MBTPS1: variants seen among roughly 807,000 people sequenced by gnomAD.
MBTPS1 encodes membrane-bound transcription factor site-1 protease.
A neutral mutation model predicts 127.8 loss-of-function variants in MBTPS1; 94 were observed. That is an observed-to-expected ratio of 0.74 (90% CI 0.62 to 0.87). MBTPS1 has a LOEUF of 0.87. MBTPS1 is among the 40% of genes least tolerant of loss of function. The probability of loss-of-function intolerance (pLI) is 0.00; values close to 1 mark genes in which losing one functional copy is unlikely to be tolerated. For missense variants in MBTPS1, 1,636 were observed against 1,353.2 expected (o/e 1.21, Z -3.28); for synonymous variants, 632 against 509.4 (o/e 1.24, Z -3.24).
At chr16:84,084,457 A>G (rs1226430747) in intron 10 of MBTPS1, among the ~76,000 whole-genome samples, 1 of 152,232 alleles carries the variant, frequency 6.6e-6, no homozygotes, top group East Asian at 1.9e-4. Context: ...CACTGTGAGA[A>G]GATGGATGTG....
rs142980972 is a variant in MBTPS1 at position 84,099,094 on chromosome 16, G to C, written c.380C>G (p.Thr127Arg). 3 of 1,614,048 alleles carry C rather than the reference G, an allele frequency of 1.9e-6. No homozygotes were observed. The highest frequency in any genetic ancestry group is 2.5e-6 in the Non-Finnish European group (3 of 1,180,034). The change falls in exon 3 of 23, where the codon ACG becomes AGG. Residue 127 changes from threonine to arginine, a missense_variant. Coordinates refer to ENST00000343411, the MANE Select transcript of MBTPS1 (RefSeq NM_003791.4). ...GGAACGAAAGACTTTTCGTTGGGGC[G>C]TGACCCGTTTGATGTTTGGATGATC... ...LEDHPNIKRV[T>R]PQRKVFRSLK...
In MBTPS1 at chr16:84,087,473, CAAAAAAAAAAA is replaced by C; in HGVS notation, c.1032-24_1032-14del. On this transcript the variant is annotated splice_polypyrimidine_tract_variant and intron_variant, in intron 8 of 22. Coordinates refer to ENST00000343411, the MANE Select transcript of MBTPS1 (RefSeq NM_003791.4). ...GTTATTCAGAGTGCTATATTGAGAC[CAAAAAAAAAAA>C]AAAAGAAAAGAAAAAGAAAAAAACA... The C allele has an allele frequency of 1.9e-6, 2 of 1,036,174 alleles. No homozygotes were observed. The highest frequency in any genetic ancestry group is 2.8e-6 in the Non-Finnish European group (2 of 724,810). 64.2% of individuals were successfully genotyped at this position (1,036,174 alleles called of 1,614,324 possible).
At position 84,081,928 on chromosome 16, in the gene MBTPS1, T is replaced by A; in HGVS notation, c.1287-20A>T. On this transcript the variant is annotated intron_variant, in intron 10 of 22. Transcript: ENST00000343411. ...ACTGTGCTGGAGGAAAAATCAAGAA[T>A]TGCCTATTTTCTCTCAGTAAAAGAA... 1 of 1,353,944 alleles carries A rather than the reference T, an allele frequency of 7.4e-7. No individual in the cohort carries two copies. Among genetic ancestry groups the A allele is most frequent in the Non-Finnish European group, 9.6e-7 (1 of 1,041,586 alleles). 83.9% of individuals were successfully genotyped at this position (1,353,944 alleles called of 1,614,324 possible).
At chr16:84,060,431 C>T (rs954009818) in intron 20 of MBTPS1, 6 of 422,820 alleles carry the variant, frequency 1.4e-5, no homozygotes, top group Non-Finnish European at 2.2e-5. Flanking sequence ...CTCAGAGTGG[C>T]GTGAGGGTCG....
chr16:84,106,199 G>A (rs1036147138), intron 1 of MBTPS1, among the ~76,000 whole-genome samples: 4 of 152,176 alleles, frequency 2.6e-5, no homozygotes, highest in African/African-American at 9.7e-5. Flanking sequence ...GTAGGCTCAG[G>A]CAGAAGAATC....
In MBTPS1 at chr16:84,115,859, G is replaced by A. The variant is rs975882067; in HGVS notation, c.-325+876C>T. On this transcript the variant is annotated intron_variant, in intron 1 of 22. Transcript: ENST00000343411. The stretch of plus-strand genomic sequence containing the variant: ...ACTGAATAGTACACTTAAAACAGGT[G>A]GATTTTATGGTATGTAAATTCTACT... 3.3e-5 allele frequency among the ~76,000 whole-genome samples: 5 copies of A among 151,800 alleles called. No individual in the cohort carries two copies. The South Asian group carries it at 1.0e-3, about 32-fold the overall frequency.
At chr16:84,097,599 CATTCTAGAGCTCTTTAAG>C (rs1233420005) in intron 3 of MBTPS1, among the ~76,000 whole-genome samples, 3 of 152,218 alleles carry the variant, frequency 2.0e-5, no homozygotes, top group African/African-American at 7.2e-5. Context: ...TCTCCTAAAG[CATTCTAGAGCTCTTTAAG>C]ATAACTGAAG....
At chr16:84,098,720 G>A (rs983782264) in intron 3 of MBTPS1, among the ~76,000 whole-genome samples, 18 of 152,188 alleles carry the variant, frequency 1.2e-4, no homozygotes, top group African/African-American at 4.3e-4. Flanking sequence ...GAAGGCGGCC[G>A]CAGCCTTGAA....
At position 84,059,536 on chromosome 16, in the gene MBTPS1, C is replaced by A. The variant is rs539669161; in HGVS notation, c.2705-108G>T. Reference sequence around the variant, plus strand: ...GTCTGTCTGCTTTCCCACAACACAGCACAGAGCCCCTGTGCTCTATTAAGC... The same window carrying A: ...GTCTGTCTGCTTTCCCACAACACAGAACAGAGCCCCTGTGCTCTATTAAGC... On this transcript the variant is annotated intron_variant, in intron 20 of 22. Coordinates refer to ENST00000343411, the MANE Select transcript of MBTPS1 (RefSeq NM_003791.4). 1.3e-5 allele frequency: 14 copies of A among 1,037,112 alleles called. No homozygotes were observed. The African/African-American group carries it at 1.9e-4, about 14-fold the overall frequency. The allele number at this position is 1,037,112 out of a possible 1,614,324, so 64.2% of individuals were successfully genotyped here. A position where few individuals can be genotyped will look rare whatever the true frequency, so the allele number is the denominator to read the frequency against.
chr16:84,101,229 G>A (rs935315368), intron 2 of MBTPS1, among the ~76,000 whole-genome samples: 1 of 152,170 alleles, frequency 6.6e-6, no homozygotes, highest in African/African-American at 2.4e-5. Flanking sequence ...GAACCTGGGA[G>A]GTGGAAGTTG....
intron 19 of MBTPS1, 48 bp downstream of exon 19, chr16:84,063,253 GAAGA>G (rs2085639150): frequency 2.5e-6 from 4 of 1,581,286 alleles, no homozygotes; most frequent in Non-Finnish European, 3.5e-6. Flanking sequence ...GAGACAAAGG[GAAGA>G]AAGGATCTGA....
chr16:84,097,224 A>G (rs1215349122), intron 3 of MBTPS1, among the ~76,000 whole-genome samples: 1 of 152,244 alleles, frequency 6.6e-6, no homozygotes, highest in African/African-American at 2.4e-5. Context: ...GTGTCAGCCC[A>G]AAATAAAGCA....
Position 84,056,091 on chromosome 16 carries a change from T to C in MBTPS1, c.2876A>G (p.Lys959Arg), listed in dbSNP as rs202077732. Reference sequence around the variant, plus strand: ...CGATCGAAAGTTGGGTAACACCACCTTGTCCAGGTCAATGGAGAGTAGCTT... The same window carrying C: ...CGATCGAAAGTTGGGTAACACCACCCTGTCCAGGTCAATGGAGAGTAGCTT... Reference protein sequence around the residue: ...HQKLLSIDLDKVVLPNFRSNR... With the variant: ...HQKLLSIDLDRVVLPNFRSNR... The change falls in exon 22 of 23, where the codon AAG becomes AGG. Residue 959 changes from lysine to arginine, a missense_variant. Transcript: ENST00000343411. The C allele has an allele frequency of 5.6e-6, 9 of 1,614,118 alleles. No homozygotes were observed. The Admixed American group carries it at 1.2e-4, about 21-fold the overall frequency.
intron 11 of MBTPS1, among the ~76,000 whole-genome samples, chr16:84,079,501 G>T (rs2085908259): frequency 6.6e-6 from 1 of 152,124 alleles, no homozygotes; most frequent in African/African-American, 2.4e-5. Flanking sequence ...CACTATAACT[G>T]TATTCTGTAG....
At chr16:84,073,782 A>G (rs914318414) in intron 12 of MBTPS1, among the ~76,000 whole-genome samples, 4 of 152,148 alleles carry the variant, frequency 2.6e-5, no homozygotes, top group East Asian at 3.9e-4. Context: ...AGGTAGCTGG[A>G]TCACCTGAAG....
chr16:84,093,781 G>C lies in MBTPS1; in HGVS notation c.666C>G (p.Ser222Arg). 2 of 1,613,884 alleles carry C rather than the reference G, an allele frequency of 1.2e-6. No individual in the cohort carries two copies. Among genetic ancestry groups the C allele is most frequent in the Non-Finnish European group, 1.7e-6 (2 of 1,179,894 alleles). Residue 222 changes from serine (S) to arginine (R), a missense_variant, in exon 5 of 23, where the codon AGC becomes AGG. Coordinates refer to ENST00000343411, the MANE Select transcript of MBTPS1 (RefSeq NM_003791.4). ...CATTTTTGAAGTGGGGATGCTTCTC[G>C]CTCAGCCCAGTGTCAAAAACAGCAA... ...VRVAVFDTGL[S>R]EKHPHFKNVK...
chr16:84,066,709 A>G, intron 16 of MBTPS1, 96 bp from the exon 17 acceptor site: 1 of 1,251,102 alleles, frequency 8.0e-7, no homozygotes, highest in East Asian at 2.5e-5. Flanking sequence ...TTCTCCTGCC[A>G]CAATCCAGTC....
intron 4 of MBTPS1, 27 bp from the exon 5 acceptor site, chr16:84,093,848 A>C: frequency 6.9e-7 from 1 of 1,442,732 alleles, no homozygotes; most frequent in Non-Finnish European, 9.8e-7. Flanking sequence ...AGCAAACACA[A>C]TTATGTTTGA....
At position 84,068,211 on chromosome 16, in the gene MBTPS1, G is replaced by C. The variant is rs113841114; in HGVS notation, c.2071+128C>G. On this transcript the variant is annotated intron_variant, in intron 15 of 22. Transcript: ENST00000343411. ...CAGAGCCTCGCCCCAGGCTCACCCA[G>C]CTGTGGGGCCCACGGCGCATACTCC... 2.6e-4 allele frequency: 180 copies of C among 697,574 alleles called. 1 individual carries two copies. In the African/African-American group the frequency reaches 2.8e-3, roughly 11 times the overall value. The allele number at this position is 697,574 out of a possible 1,614,324, so 43.2% of individuals were successfully genotyped here.
Sources: allele counts gnomAD v4.1 joint callset (sites outside exome capture counted in the v4.1 genomes callset), GRCh38; gene constraint gnomAD v4.1.1; transcripts MANE v1.5; gene names NCBI Gene and HGNC (gene_info 2026-07-23, HGNC 2026-07-21).